Variants in TBC1D4 observed in about 807,000 individuals in gnomAD.
TBC1D4 encodes the protein TBC1 domain family member 4, also known as TBC (Tre-2, BUB2, CDC16) domain-containing protein.
TBC1D4 carries 121 observed loss-of-function variants against 142.5 expected under a neutral mutation model. The observed-to-expected ratio is 0.85, with a 90% confidence interval of 0.73 to 0.99. TBC1D4 has a LOEUF of 0.99. Among genes scored for constraint, TBC1D4 ranks in the 50% least tolerant of loss-of-function variants. TBC1D4 has a pLI of 0.00. For missense variants in TBC1D4, 1,475 were observed against 1,606.6 expected (o/e 0.92, Z 1.40); for synonymous variants, 630 against 628.2 (o/e 1.00, Z -0.04).
intron 1 of TBC1D4, among the ~76,000 whole-genome samples, chr13:75,438,765 G>T (rs570156433): frequency 1.3e-5 from 2 of 152,096 alleles, no homozygotes; most frequent in Admixed American, 6.6e-5. Context: ...TCTTAGATTC[G>T]TATATTAGAA....
chr13:75,464,860 A>G (rs7331661), intron 1 of TBC1D4, among the ~76,000 whole-genome samples: 88,880 of 152,092 alleles, frequency 0.58, 26,226 homozygotes, highest in East Asian at 0.7. Context: ...TTTTGTTAGG[A>G]AAACAGAACT....
intron 1 of TBC1D4, among the ~76,000 whole-genome samples, chr13:75,369,497 T>TCA (rs67470405): frequency 0.014 from 2,098 of 150,370 alleles, 30 homozygotes; most frequent in African/African-American, 0.042. Flanking sequence ...AGACCCTGTC[T>TCA]CACACACACA....
intron 1 of TBC1D4, among the ~76,000 whole-genome samples, chr13:75,386,524 G>A (rs781671752): frequency 6.6e-6 from 1 of 151,720 alleles, no homozygotes; most frequent in African/African-American, 2.4e-5. Context: ...GAGTAGCTGG[G>A]ACTACAGGCA....
At chr13:75,454,287 A>G (rs1245553926) in intron 1 of TBC1D4, among the ~76,000 whole-genome samples, 1 of 152,184 alleles carries the variant, frequency 6.6e-6, no homozygotes, top group East Asian at 1.9e-4. Context: ...AAGTTCTGGG[A>G]TTACAGGTGT....
intron 1 of TBC1D4, among the ~76,000 whole-genome samples, chr13:75,381,711 C>T (rs1883856496): frequency 6.6e-6 from 1 of 152,202 alleles, no homozygotes; most frequent in Non-Finnish European, 1.5e-5. Flanking sequence ...TATTGAATTT[C>T]TTCTCAGTGC....
intron 7 of TBC1D4, among the ~76,000 whole-genome samples, chr13:75,337,951 T>C (rs972666501): frequency 3.9e-5 from 6 of 152,134 alleles, no homozygotes; most frequent in Non-Finnish European, 5.9e-5. Context: ...ACCTGCCTAA[T>C]AGAAGGGAGC....
chr13:75,363,011 T>C (rs113432722), intron 1 of TBC1D4, among the ~76,000 whole-genome samples: 145 of 152,310 alleles, frequency 9.5e-4, no homozygotes, highest in African/African-American at 3.2e-3. Flanking sequence ...GATTAAAACC[T>C]AGACATCCCT....
At chr13:75,376,342 C>T (rs567042197) in intron 1 of TBC1D4, among the ~76,000 whole-genome samples, 5 of 151,434 alleles carry the variant, frequency 3.3e-5, no homozygotes, top group Non-Finnish European at 7.4e-5. Flanking sequence ...TTATAAATAT[C>T]TTTTCCAAAT....
intron 1 of TBC1D4, among the ~76,000 whole-genome samples, chr13:75,472,847 CA>C (rs1888472644): frequency 6.6e-6 from 1 of 152,122 alleles, no homozygotes; most frequent in African/African-American, 2.4e-5. Flanking sequence ...CCTGGAGAAT[CA>C]AGGAGAAAGG....
intron 1 of TBC1D4, among the ~76,000 whole-genome samples, chr13:75,370,887 A>G (rs565304442): frequency 6.6e-6 from 1 of 152,204 alleles, no homozygotes; most frequent in South Asian, 2.1e-4. Context: ...CAGAGAGAGA[A>G]AGACAGAGAC....
chr13:75,447,323 G>A (rs1887330183), intron 1 of TBC1D4, among the ~76,000 whole-genome samples: 1 of 152,138 alleles, frequency 6.6e-6, no homozygotes, highest in African/African-American at 2.4e-5. Context: ...AGCAGTTTAT[G>A]CGAGTTCCAG....
intron 10 of TBC1D4, 78 bp downstream of exon 10, chr13:75,326,119 A>C: frequency 6.6e-7 from 1 of 1,516,090 alleles, no homozygotes; most frequent in Non-Finnish European, 9.1e-7. Flanking sequence ...ATAAATTCAC[A>C]ATCCACCTTG....
chr13:75,374,173 C>G (rs1883372539), intron 1 of TBC1D4, among the ~76,000 whole-genome samples: 1 of 152,096 alleles, frequency 6.6e-6, no homozygotes, highest in Admixed American at 6.5e-5. Context: ...TTGCCCAGCC[C>G]ACGCCAGGCC....
intron 1 of TBC1D4, among the ~76,000 whole-genome samples, chr13:75,476,293 C>G (rs1402345109): frequency 6.6e-6 from 1 of 152,122 alleles, no homozygotes; most frequent in Non-Finnish European, 1.5e-5. Context: ...TTCTATACAC[C>G]TTATACACAT....
At chr13:75,361,167 G>A (rs564297350) in intron 2 of TBC1D4, among the ~76,000 whole-genome samples, 13 of 152,248 alleles carry the variant, frequency 8.5e-5, no homozygotes, top group African/African-American at 2.9e-4. Context: ...ACTACAGCTT[G>A]CATCAAATTA....
chr13:75,302,666 T>C, intron 15 of TBC1D4: 1 of 513,310 alleles, frequency 1.9e-6, no homozygotes, highest in Non-Finnish European at 3.5e-6. Context: ...TGAGCATTAA[T>C]AAAACATTTA....
At chr13:75,411,186 T>C (rs1452773452) in intron 1 of TBC1D4, among the ~76,000 whole-genome samples, 4 of 152,108 alleles carry the variant, frequency 2.6e-5, no homozygotes, top group African/African-American at 4.8e-5. Flanking sequence ...ATGGAAAATA[T>C]GACAATAACT....
chr13:75,332,594 C>T (rs1879843557), intron 8 of TBC1D4, among the ~76,000 whole-genome samples: 2 of 14,212 alleles, frequency 1.4e-4, no homozygotes, highest in Non-Finnish European at 2.2e-3. Flanking sequence ...TTACTGGACC[C>T]CACCCCGAGA....
chr13:75,451,494 T>C (rs1395220175), intron 1 of TBC1D4, among the ~76,000 whole-genome samples: 1 of 149,584 alleles, frequency 6.7e-6, no homozygotes, highest in Non-Finnish European at 1.5e-5. Flanking sequence ...TAATACATAT[T>C]TTGAGTGAGA....
Sources: gnomAD v4.1 joint callset for allele counts (sites outside exome capture counted in the v4.1 genomes callset) on GRCh38, gnomAD v4.1.1 for gene constraint, MANE v1.5 for transcripts, NCBI Gene and HGNC (gene_info 2026-07-23, HGNC 2026-07-21) for gene names.